The following ERP44 variants were observed in gnomAD, a reference collection of about 807,000 sequenced individuals.
ERP44 encodes endoplasmic reticulum protein 44, also known as endoplasmic reticulum resident protein 44.
ERP44 carries 25 observed loss-of-function variants against 53.4 expected under a neutral mutation model. The observed-to-expected ratio is 0.47, with a 90% CI of 0.34 to 0.65. The LOEUF (loss-of-function observed/expected upper bound fraction) is 0.65. ERP44 is among the 30% of genes least tolerant of loss of function. The probability of loss-of-function intolerance (pLI) is 0.01; values close to 1 mark genes in which losing one functional copy is unlikely to be tolerated. For missense variants in ERP44, 338 were observed against 493.2 expected (o/e 0.69, Z 2.98); for synonymous variants, 145 against 161.2 (o/e 0.90, Z 0.76).
At chr9:100,025,432 G>C (rs1320344699) in intron 4 of ERP44, among the ~76,000 whole-genome samples, 2 of 152,072 alleles carry the variant, frequency 1.3e-5, no homozygotes, top group East Asian at 1.9e-4. Context: ...TCACAATAAA[G>C]CTGGATTTAG....
At chr9:100,036,362 A>G (rs1478361966) in intron 4 of ERP44, among the ~76,000 whole-genome samples, 3 of 152,262 alleles carry the variant, frequency 2.0e-5, no homozygotes, top group Non-Finnish European at 4.4e-5. Flanking sequence ...ATGCAGCTGG[A>G]GGCCATTATC....
Position 99,996,302 on chromosome 9 carries a change from G to A in ERP44, c.1016+10204C>T, listed in dbSNP as rs578010570. Reference sequence around the variant, plus strand: ...TCCTGTGAGAGTGAGTTGTTACAAAGCCAGGACGCCCCTCAGCTTTGGTCC... The same window carrying A: ...TCCTGTGAGAGTGAGTTGTTACAAAACCAGGACGCCCCTCAGCTTTGGTCC... On this transcript the variant is annotated intron_variant, in intron 10 of 11. Transcript: ENST00000262455. Among the ~76,000 whole-genome samples, 11 of 152,176 alleles carry A rather than the reference G, an allele frequency of 7.2e-5. No homozygotes were observed. In the South Asian group the frequency reaches 2.3e-3, roughly 32 times the overall value.
intron 1 of ERP44, among the ~76,000 whole-genome samples, chr9:100,090,802 G>T (rs1305736702): frequency 6.6e-6 from 1 of 151,890 alleles, no homozygotes; most frequent in Non-Finnish European, 1.5e-5. Flanking sequence ...GTAAATATGA[G>T]TGCGTACTGT....
chr9:99,979,859 A>G lies in ERP44; in HGVS notation c.*2753T>C. The G allele has an allele frequency of 2.5e-6, 1 of 397,970 alleles. No homozygotes were observed. Among genetic ancestry groups the G allele is most frequent in the Non-Finnish European group, 4.4e-6 (1 of 225,768 alleles). 24.7% of individuals were successfully genotyped at this position (397,970 alleles called of 1,614,324 possible). On this transcript the variant is annotated 3_prime_UTR_variant, in exon 12 of 12. Coordinates refer to ENST00000262455, the MANE Select transcript of ERP44 (RefSeq NM_015051.3). Reference sequence around the variant, plus strand: ...CCACACTATTCTTTCTCAAACTTTAAAGTGAACATACTTCCTTGCTTGCAA... The same window carrying G: ...CCACACTATTCTTTCTCAAACTTTAGAGTGAACATACTTCCTTGCTTGCAA...
intron 1 of ERP44, among the ~76,000 whole-genome samples, chr9:100,079,716 T>C (rs1328033873): frequency 6.6e-6 from 1 of 152,076 alleles, no homozygotes; most frequent in Non-Finnish European, 1.5e-5. Context: ...CAGGAGGATC[T>C]TGAGGCCAGG....
intron 1 of ERP44, among the ~76,000 whole-genome samples, chr9:100,075,304 C>A (rs570698115): frequency 6.6e-6 from 1 of 152,218 alleles, no homozygotes; most frequent in Non-Finnish European, 1.5e-5. Flanking sequence ...TCCCGGTACC[C>A]GGTATGCAGC....
At position 100,020,120 on chromosome 9, in the gene ERP44, A is replaced by T. The variant is rs188880381; in HGVS notation, c.587+496T>A. Reference sequence around the variant, plus strand: ...GGAACAACTGATGGATCAAAGCCCCAGAGGAGTTTGAAGGACACCAGTTAC... The same window carrying T: ...GGAACAACTGATGGATCAAAGCCCCTGAGGAGTTTGAAGGACACCAGTTAC... On this transcript the variant is annotated intron_variant, in intron 6 of 11. Transcript: ENST00000262455. Among the ~76,000 whole-genome samples, 3 of 152,360 alleles carry T rather than the reference A, an allele frequency of 2.0e-5. No individual in the cohort carries two copies. The East Asian group carries it at 5.8e-4, about 29-fold the overall frequency.
intron 10 of ERP44, chr9:99,998,536 T>C (rs557301166): frequency 1.4e-6 from 1 of 721,582 alleles, no homozygotes; most frequent in East Asian, 2.6e-5. Context: ...TCTGCTAATC[T>C]TCACGCCTTC....
chr9:99,998,088 G>T (rs1402943106), intron 10 of ERP44, among the ~76,000 whole-genome samples: 3 of 152,170 alleles, frequency 2.0e-5, no homozygotes, highest in Non-Finnish European at 4.4e-5. Flanking sequence ...TGTATAACAG[G>T]AATGGTTAAA....
intron 1 of ERP44, among the ~76,000 whole-genome samples, chr9:100,063,075 CAAAAAAAAAAAA>C (rs58004954): frequency 2.5e-5 from 1 of 40,084 alleles, no homozygotes; most frequent in South Asian, 1.5e-3. Context: ...CCCTGTCTCA[CAAAAAAAAAAAA>C]AAAAAAGAGA....
intron 10 of ERP44, chr9:99,998,292 C>T (rs865909174): frequency 1.2e-5 from 5 of 419,204 alleles, no homozygotes; most frequent in African/African-American, 4.1e-5. Flanking sequence ...GGCTGGTGCA[C>T]GCAGTGACTC....
rs111639938 is a variant in ERP44 at position 100,050,059 on chromosome 9, A to C, written c.286+2358T>G. Reference sequence around the variant, plus strand: ...TCCAGAAAAAAAAAAAAACCCAGACAAAAAAAACCTCATACTGTATGATTC... The same window carrying C: ...TCCAGAAAAAAAAAAAAACCCAGACCAAAAAAACCTCATACTGTATGATTC... On this transcript the variant is annotated intron_variant, in intron 4 of 11. Transcript: ENST00000262455. Among the ~76,000 whole-genome samples the C allele has an allele frequency of 8.5e-3, 1,291 of 151,402 alleles. 26 individuals carry two copies. The highest frequency in any genetic ancestry group is 0.013 in the Non-Finnish European group (861 of 67,858).
chr9:100,078,431 C>G (rs1192805852), intron 1 of ERP44, among the ~76,000 whole-genome samples: 1 of 137,500 alleles, frequency 7.3e-6, no homozygotes, highest in African/African-American at 2.8e-5. Context: ...GCACTCCAGC[C>G]TGGGTGACAG....
At chr9:100,023,330 C>T (rs1222037293) in intron 4 of ERP44, among the ~76,000 whole-genome samples, 1 of 150,894 alleles carries the variant, frequency 6.6e-6, no homozygotes, top group African/African-American at 2.4e-5. Flanking sequence ...ATAGAGACAC[C>T]TGTAATAAAG....
At chr9:100,037,974 T>C (rs892221127) in intron 4 of ERP44, among the ~76,000 whole-genome samples, 1 of 152,138 alleles carries the variant, frequency 6.6e-6, no homozygotes, top group African/African-American at 2.4e-5. Context: ...TATCCCAGAA[T>C]AGTGGGATAA....
intron 10 of ERP44, among the ~76,000 whole-genome samples, chr9:99,994,000 C>A (rs1178638526): frequency 1.3e-5 from 2 of 152,144 alleles, no homozygotes; most frequent in Non-Finnish European, 2.9e-5. Context: ...AGTCAGGAAA[C>A]AACAGGTGCT....
chr9:99,998,751 C>T lies in ERP44; in HGVS notation c.1016+7755G>A, dbSNP rs144598898. 5,708 of 755,084 alleles carry T rather than the reference C, an allele frequency of 7.6e-3. 31 individuals are homozygous for T. Among genetic ancestry groups the T allele is most frequent in the Non-Finnish European group, 0.01 (4,546 of 435,202 alleles). The allele number at this position is 755,084 out of a possible 1,614,324, so 46.8% of individuals were successfully genotyped here. ...CATCTCTTTTCTTTTTTCCTCTTCC[C>T]GCAAACGTTTCTTTTCTCTCTCCTC... On this transcript the variant is annotated intron_variant, in intron 10 of 11. Transcript: ENST00000262455.
In ERP44 at chr9:99,982,688, G is replaced by A; in HGVS notation, c.1145C>T (p.Pro382Leu). The A allele has an allele frequency of 6.2e-7, 1 of 1,609,256 alleles. No homozygotes were observed. The highest frequency in any genetic ancestry group is 8.5e-7 in the Non-Finnish European group (1 of 1,178,312). The change falls in exon 12 of 12, where the codon CCA (proline) becomes CTA (leucine). Residue 382 changes from proline (P) to leucine (L), a missense_variant. By Grantham distance (98) the Pro-to-Leu change is moderately conservative. Transcript: ENST00000262455. ...TAGTTTCTGGAAGGAGCTCTCAGGT[G>A]GACTGCTTGCTACATCTTGGGCTTG... is the stretch of plus-strand genomic sequence containing the variant. ...GEQAQDVASSPPESSFQKLAP... is the reference protein window; with the variant it reads ...GEQAQDVASSLPESSFQKLAP...
chr9:99,990,017 C>T (rs1007694807), intron 10 of ERP44, among the ~76,000 whole-genome samples: 12 of 152,196 alleles, frequency 7.9e-5, no homozygotes, highest in South Asian at 2.1e-4. Context: ...TATGAGACTA[C>T]GTGAAAAGAC....
Sources: allele counts gnomAD v4.1 joint callset (sites outside exome capture counted in the v4.1 genomes callset), GRCh38; gene constraint gnomAD v4.1.1; transcripts MANE v1.5; gene names NCBI Gene and HGNC (gene_info 2026-07-23, HGNC 2026-07-21).